Variants in EMSY observed in about 807,000 individuals in gnomAD.
EMSY encodes EMSY transcriptional repressor, BRCA2 interacting.
Under a neutral mutation model 134.6 loss-of-function variants are expected in EMSY, and 26 were observed. The ratio of observed to expected loss-of-function variants is 0.19; its 90% CI spans 0.14 to 0.27. EMSY has a LOEUF of 0.27. EMSY is among the 10% of genes least tolerant of loss of function. The pLI, the probability that EMSY is intolerant of heterozygous loss-of-function variation, is 1.00. For synonymous variants in EMSY, 579 were observed against 577.8 expected (o/e 1.00, Z -0.03); for missense variants, 1,305 against 1,611.4 (o/e 0.81, Z 3.26).
intron 9 of EMSY, among the ~76,000 whole-genome samples, chr11:76,513,062 A>G (rs1439837971): frequency 2.0e-5 from 3 of 152,158 alleles, no homozygotes; most frequent in Non-Finnish European, 4.4e-5. Flanking sequence ...AAGTATTTGT[A>G]TGGAAAGGAT....
At chr11:76,450,794 A>ATTT (rs34212263) in intron 2 of EMSY, among the ~76,000 whole-genome samples, 71,552 of 135,618 alleles carry the variant, frequency 0.53, 19,952 homozygotes, top group South Asian at 0.66. Flanking sequence ...GCCTGGCCAG[A>ATTT]TTTTTTTTTT....
intron 9 of EMSY, among the ~76,000 whole-genome samples, chr11:76,511,478 C>T (rs1590937820): frequency 6.6e-6 from 1 of 151,864 alleles, no homozygotes; most frequent in East Asian, 1.9e-4. Context: ...CTGGTGGGTC[C>T]CTTGAGGTCA....
chr11:76,518,064 C>T (rs1438679600), intron 11 of EMSY, among the ~76,000 whole-genome samples: 2 of 151,776 alleles, frequency 1.3e-5, no homozygotes, highest in Non-Finnish European at 2.9e-5. Context: ...TTATAGTAAA[C>T]TGATAAGGCT....
intron 14 of EMSY, among the ~76,000 whole-genome samples, chr11:76,531,248 A>G (rs1357784640): frequency 5.9e-5 from 9 of 152,206 alleles, no homozygotes; most frequent in Admixed American, 5.9e-4. Context: ...CTAATTTACA[A>G]TCCATATTCA....
rs137987488 is a variant in EMSY, at chr11:76,524,613, C to T, written c.1821+1322C>T. ...TATGTAAGAGGGGATGCTTTGTATT[C>T]TAGGCCCTGTGGTCACAAAGATCCA... On this transcript the variant is annotated intron_variant, in intron 12 of 20. Coordinates refer to ENST00000334736, the Ensembl canonical transcript of EMSY. Among the ~76,000 whole-genome samples, 415 of 152,294 alleles carry T rather than the reference C, an allele frequency of 2.7e-3. 1 individual carries two copies. The highest frequency in any genetic ancestry group is 5.0e-3 in the Non-Finnish European group (341 of 68,032).
intron 12 of EMSY, 92 bp from the exon 14 acceptor site, chr11:76,526,370 C>A: frequency 1.1e-6 from 1 of 913,834 alleles, no homozygotes; most frequent in Non-Finnish European, 1.5e-6. Flanking sequence ...CTTTTTTCAT[C>A]ATCCTGGTAA....
intron 8 of EMSY, among the ~76,000 whole-genome samples, chr11:76,480,338 T>C (rs896372126): frequency 6.6e-6 from 1 of 152,178 alleles, no homozygotes; most frequent in African/African-American, 2.4e-5. Flanking sequence ...AGTCTGTTAT[T>C]ATGGTAACAA....
At chr11:76,488,117 G>A (rs1386573847) in intron 8 of EMSY, among the ~76,000 whole-genome samples, 1 of 152,130 alleles carries the variant, frequency 6.6e-6, no homozygotes, top group Non-Finnish European at 1.5e-5. Flanking sequence ...ATGGATTAAT[G>A]TCTTTGTTTC....
exon 1 of EMSY, chr11:76,445,082 A>G (rs1401528811): frequency 6.5e-6 from 1 of 152,934 alleles, no homozygotes; most frequent in East Asian, 1.9e-4. Context: ...GGTGTCCCCT[A>G]GTCTTGGCGG....
At chr11:76,518,210 C>T (rs965564258) in intron 11 of EMSY, among the ~76,000 whole-genome samples, 6 of 140,118 alleles carry the variant, frequency 4.3e-5, no homozygotes, top group African/African-American at 1.3e-4. Flanking sequence ...CACTCTGTTG[C>T]CCAGGCCAGG....
chr11:76,497,343 T>G (rs1949696395), intron 9 of EMSY: 1 of 152,268 alleles, frequency 6.6e-6, no homozygotes, highest in African/African-American at 2.4e-5. Flanking sequence ...TGTCCAATTT[T>G]GGTCAGGATA....
chr11:76,531,046 T>A (rs1228987578), intron 14 of EMSY, among the ~76,000 whole-genome samples: 2 of 152,206 alleles, frequency 1.3e-5, no homozygotes, highest in Non-Finnish European at 2.9e-5. Flanking sequence ...ATTTGCTTTG[T>A]TGTTGATTCT....
chr11:76,453,641 C>A, intron 4 of EMSY: 1 of 301,506 alleles, frequency 3.3e-6, no homozygotes, highest in Non-Finnish European at 6.2e-6. Context: ...AACTAAAAAT[C>A]ACCACAATTT....
At chr11:76,468,346 T>A (rs1948442892) in intron 7 of EMSY, among the ~76,000 whole-genome samples, 2 of 150,870 alleles carry the variant, frequency 1.3e-5, no homozygotes, top group Admixed American at 6.6e-5. Flanking sequence ...TAAAACAAAT[T>A]AAATTAAAAA....
rs766254998 is a variant in EMSY at position 76,545,983 on chromosome 11, T to C, written c.3460T>C (p.Leu1154=). 1.1e-5 allele frequency: 18 copies of C among 1,614,148 alleles called. No homozygotes were observed. In the South Asian group the frequency reaches 1.6e-4, roughly 15 times the overall value. Residue 1154 remains leucine, a synonymous_variant, in exon 20 of 21, where the codon TTG becomes CTG. Transcript: ENST00000334736. ...AGTGTCTGACATTTTGAAAATGTCT[T>C]TGATGGAAGCTCAGATTGATACAAA...
chr11:76,462,343 CT>C (rs1476792001), intron 6 of EMSY, among the ~76,000 whole-genome samples: 2 of 152,216 alleles, frequency 1.3e-5, no homozygotes, highest in Admixed American at 1.3e-4. Flanking sequence ...AAGATTATTG[CT>C]TTATGCTCAG....
chr11:76,515,275 G>A (rs1334788632), intron 10 of EMSY, among the ~76,000 whole-genome samples: 1 of 151,632 alleles, frequency 6.6e-6, no homozygotes, highest in Non-Finnish European at 1.5e-5. Context: ...TATCATGAAA[G>A]ATTTCTTCAA....
intron 9 of EMSY, 125 bp from the exon 11 acceptor site, chr11:76,513,261 A>AT (rs2136116039): frequency 4.1e-6 from 3 of 733,798 alleles, no homozygotes; most frequent in Non-Finnish European, 6.0e-6. Flanking sequence ...TTTCATCAGT[A>AT]TTAAAAAAAA....
At chr11:76,465,864 C>T (rs1948329921) in intron 7 of EMSY, among the ~76,000 whole-genome samples, 1 of 152,154 alleles carries the variant, frequency 6.6e-6, no homozygotes, top group African/African-American at 2.4e-5. Flanking sequence ...CGTAAATTGA[C>T]CTAGCTGGAC....
Sources: gnomAD v4.1 joint callset for allele counts (sites outside exome capture counted in the v4.1 genomes callset) on GRCh38, gnomAD v4.1.1 for gene constraint, MANE v1.5 for transcripts, NCBI Gene and HGNC (gene_info 2026-07-23, HGNC 2026-07-21) for gene names.